ASPRV1: variants seen among roughly 807,000 people sequenced by gnomAD.
The protein encoded by ASPRV1 is aspartic peptidase retroviral like 1.
ASPRV1 carries 7 observed loss-of-function variants against 11.0 expected under a neutral mutation model. That is an observed-to-expected ratio of 0.64 (90% CI 0.36 to 1.20). ASPRV1 has a LOEUF of 1.20. Among genes scored for constraint, ASPRV1 ranks in the 50% most tolerant of loss-of-function variants. The pLI is 0.02. For synonymous variants in ASPRV1, 136 were observed against 138.4 expected, an observed-to-expected ratio of 0.98 and a Z score of 0.12; for missense variants, 299 against 320.0, an observed-to-expected ratio of 0.93 and a Z score of 0.50.
chr2:69,963,302 C>T (rs1282484652), upstream of ASPRV1: 4 of 456,432 alleles, frequency 8.8e-6, no homozygotes, highest in African/African-American at 8.0e-5. Flanking sequence ...GCAGGTGGTT[C>T]TTTGAGAAGA....
At chr2:69,994,054 G>C in the ASPRV1 span, 1 of 152,338 alleles carries the variant, frequency 6.6e-6, no homozygotes, top group East Asian at 1.9e-4. Context: ...TCCAGTTCAC[G>C]GCTAAAATCC....
the ASPRV1 span, among the ~76,000 whole-genome samples, chr2:70,062,269 C>A: frequency 1.3e-5 from 2 of 152,048 alleles, no homozygotes; most frequent in Non-Finnish European, 2.9e-5. Context: ...CGTGCCATTG[C>A]ACTCCAGCCT....
At chr2:69,996,662 C>T in the ASPRV1 span, 1 of 454,556 alleles carries the variant, frequency 2.2e-6, no homozygotes, top group South Asian at 1.6e-5. Flanking sequence ...CTGAGAGAGG[C>T]ACTGGAATGA....
chr2:70,006,886 G>C, the ASPRV1 span, among the ~76,000 whole-genome samples: 462 of 152,316 alleles, frequency 3.0e-3, 8 homozygotes, highest in Non-Finnish European at 2.7e-3. Context: ...GGTCTACAGA[G>C]GGGCTGTGGC....
At chr2:69,950,317 T>A in the ASPRV1 span, among the ~76,000 whole-genome samples, 1 of 152,202 alleles carries the variant, frequency 6.6e-6, no homozygotes, top group South Asian at 2.1e-4. Flanking sequence ...CGTGTCCTTT[T>A]TGCCTTTGTC....
the ASPRV1 span, among the ~76,000 whole-genome samples, chr2:70,027,703 G>C: frequency 6.6e-6 from 1 of 152,196 alleles, no homozygotes; most frequent in Non-Finnish European, 1.5e-5. Flanking sequence ...GGGTAGGAGA[G>C]AGACTGATGA....
chr2:70,086,922 T>A, the ASPRV1 span: 1 of 152,180 alleles, frequency 6.6e-6, no homozygotes, highest in Non-Finnish European at 1.5e-5. Context: ...GGGGGATCCA[T>A]GCAGGGCGCC....
At chr2:69,986,986 A>C in the ASPRV1 span, among the ~76,000 whole-genome samples, 1 of 152,150 alleles carries the variant, frequency 6.6e-6, no homozygotes, top group African/African-American at 2.4e-5. Flanking sequence ...GGGGCTTAGA[A>C]CTGTGGAGAA....
the ASPRV1 span, among the ~76,000 whole-genome samples, chr2:69,981,439 AAG>A: frequency 2.0e-5 from 3 of 152,248 alleles, no homozygotes; most frequent in Non-Finnish European, 4.4e-5. Context: ...ACCATATATT[AAG>A]AGTAGTTACA....
At chr2:70,034,189 C>T in the ASPRV1 span, among the ~76,000 whole-genome samples, 1 of 145,180 alleles carries the variant, frequency 6.9e-6, no homozygotes, top group African/African-American at 2.5e-5. Flanking sequence ...GAAAGCAATG[C>T]TTCTGTCCCT....
the ASPRV1 span, chr2:69,995,406 A>C: frequency 6.6e-5 from 10 of 151,122 alleles, no homozygotes; most frequent in African/African-American, 2.2e-4. Context: ...AAAAAAAAAA[A>C]CTTTTGCTTC....
At chr2:69,942,587 T>C in the ASPRV1 span, 1 of 152,182 alleles carries the variant, frequency 6.6e-6, no homozygotes, top group Non-Finnish European at 1.5e-5. Context: ...TGAGGGAGCA[T>C]TCTTCATTTT....
the ASPRV1 span, among the ~76,000 whole-genome samples, chr2:69,992,528 T>C: frequency 1.1e-4 from 17 of 152,350 alleles, no homozygotes; most frequent in Non-Finnish European, 2.1e-4. Flanking sequence ...TGCGATTTCA[T>C]CATCAAAATC....
At chr2:70,056,879 C>T in the ASPRV1 span, among the ~76,000 whole-genome samples, 4 of 151,692 alleles carry the variant, frequency 2.6e-5, no homozygotes, top group African/African-American at 4.8e-5. Context: ...GGATTACAGG[C>T]GTGCGCCACC....
chr2:69,995,475 A>C, the ASPRV1 span: 1 of 152,088 alleles, frequency 6.6e-6, no homozygotes, highest in Non-Finnish European at 1.5e-5. Context: ...TATCTTTCTC[A>C]CCATAAGCAG....
the ASPRV1 span, among the ~76,000 whole-genome samples, chr2:69,950,448 CTG>C: frequency 6.6e-6 from 1 of 152,230 alleles, no homozygotes; most frequent in African/African-American, 2.4e-5. Context: ...TCATTCAACA[CTG>C]TGACGTTCGT....
At chr2:69,948,365 A>G in the ASPRV1 span, among the ~76,000 whole-genome samples, 3 of 152,234 alleles carry the variant, frequency 2.0e-5, no homozygotes, top group Non-Finnish European at 4.4e-5. Flanking sequence ...CAGCGGCATG[A>G]AGGGGACACT....
chr2:70,031,485 CA>C, the ASPRV1 span: 1 of 152,104 alleles, frequency 6.6e-6, no homozygotes, highest in Non-Finnish European at 1.5e-5. Flanking sequence ...ATCATGAGGT[CA>C]GGAGATCAAG....
At chr2:69,996,732 T>C in the ASPRV1 span, 1 of 456,744 alleles carries the variant, frequency 2.2e-6, no homozygotes, top group South Asian at 1.5e-5. Flanking sequence ...AGCCACCATC[T>C]ACGGAAACCA....
Sources: allele counts gnomAD v4.1 joint callset (sites outside exome capture counted in the v4.1 genomes callset), GRCh38; gene constraint gnomAD v4.1.1; transcripts MANE v1.5; gene names NCBI Gene and HGNC (gene_info 2026-07-23, HGNC 2026-07-21).